The following SPTB variants were observed in gnomAD, a reference collection of about 807,000 sequenced individuals.
SPTB encodes the protein spectrin beta chain, erythrocytic.
A neutral mutation model predicts 256.2 loss-of-function variants in SPTB; 45 were observed. That is an observed-to-expected ratio of 0.18 (90% CI 0.14 to 0.23). The LOEUF is 0.23. SPTB is among the 10% of genes least tolerant of loss of function. The pLI is 1.00. For missense variants in SPTB, 2,715 were observed against 3,040.4 expected, an observed-to-expected ratio of 0.89 and a Z score of 2.52; for synonymous variants, 1,231 against 1,243.1, an observed-to-expected ratio of 0.99 and a Z score of 0.21.
chr14:64,816,536 T>G lies in SPTB; in HGVS notation c.148+6411A>C, dbSNP rs1252615220. On this transcript the variant is annotated intron_variant, in intron 2 of 35. Transcript: ENST00000644917. This position sits in a 1 kb window ranked among gnomAD's most constrained non-coding sequence, Gnocchi z 4.2. ...AAACTTTATAGTTCCCAGCAAATCT[T>G]CATAGCAAATTTGTCATAATTTGCT... 6.6e-6 allele frequency among the ~76,000 whole-genome samples: 1 copy of G among 152,112 alleles called. No homozygotes were observed. The highest frequency in any genetic ancestry group is 1.5e-5 in the Non-Finnish European group (1 of 68,028).
Position 64,796,761 on chromosome 14 carries a change from C to T in SPTB, c.1183-46G>A. 6.2e-7 allele frequency: 1 copy of T among 1,612,724 alleles called. No individual in the cohort carries two copies. The highest frequency in any genetic ancestry group is 8.5e-7 in the Non-Finnish European group (1 of 1,179,636). ...GAATTCTTGGGGCACAGGAGAAATG[C>T]CTCACTTTGGGGGCTCCACCCCTTT... is the stretch of plus-strand genomic sequence containing the variant. On this transcript the variant is annotated intron_variant, in intron 10 of 35. Coordinates refer to ENST00000644917, the MANE Select transcript of SPTB (RefSeq NM_001355436.2). The surrounding 1 kb of genome is among the most constrained non-coding windows in gnomAD (Gnocchi z 4.1).
At position 64,869,621 on chromosome 14, in the gene SPTB, A is replaced by ATTTTT. The variant is rs11302191; in HGVS notation, c.-52+10166_-52+10170dup. Among the ~76,000 whole-genome samples the ATTTTT allele has an allele frequency of 2.2e-5, 3 of 139,508 alleles. 1 individual carries two copies. The highest frequency in any genetic ancestry group is 2.7e-5 in the African/African-American group (1 of 36,974). The allele number at this position is 139,508 out of a possible 152,430, so 91.5% of individuals were successfully genotyped here. On this transcript the variant is annotated intron_variant, in intron 1 of 35. Coordinates refer to ENST00000644917, the MANE Select transcript of SPTB (RefSeq NM_001355436.2). ...CACTGTGCTTGGTCAGATTTTTTAA[A>ATTTTT]TTTTTTTTTTTTTTTTTTGAGACAG... is the stretch of plus-strand genomic sequence containing the variant.
intron 1 of SPTB, among the ~76,000 whole-genome samples, chr14:64,878,443 A>C (rs1882939074): frequency 6.6e-6 from 1 of 152,188 alleles, no homozygotes; most frequent in Non-Finnish European, 1.5e-5. Context: ...TGGGACTCAG[A>C]GCAAAAGAAT....
Position 64,795,186 on chromosome 14 carries a change from C to T in SPTB, c.1644+151G>A. 1 of 891,206 alleles carries T rather than the reference C, an allele frequency of 1.1e-6. No homozygotes were observed. The highest frequency in any genetic ancestry group is 1.7e-6 in the Non-Finnish European group (1 of 590,710). The allele number at this position is 891,206 out of a possible 1,614,324, so 55.2% of individuals were successfully genotyped here. On this transcript the variant is annotated intron_variant, in intron 12 of 35. Coordinates refer to ENST00000644917, the MANE Select transcript of SPTB (RefSeq NM_001355436.2). The surrounding 1 kb of genome is among the most constrained non-coding windows in gnomAD (Gnocchi z 6.5). The stretch of plus-strand genomic sequence containing the variant: ...GGACCAAGAGGCAGAGAGGCAGGTG[C>T]AGCTAGACACTTTGCTGCCTCAGTT...
chr14:64,787,272 C>T (rs897828535), intron 15 of SPTB, 112 bp from the exon 16 acceptor site: 2 of 1,382,786 alleles, frequency 1.4e-6, no homozygotes, highest in Non-Finnish European at 9.8e-7. Context: ...CCCCCACAGA[C>T]TTTGTATGAT....
chr14:64,775,432 G>A lies in SPTB; in HGVS notation c.4564-29C>T. On this transcript the variant is annotated intron_variant, in intron 22 of 35. Coordinates refer to ENST00000644917, the MANE Select transcript of SPTB (RefSeq NM_001355436.2). This position sits in a 1 kb window ranked among gnomAD's most constrained non-coding sequence, Gnocchi z 5.0. ...CGGCCAGAAGGAAGGGCTCGGGGCA[G>A]GGCCTTCCCACCATGCGGGGGAGGC... 6.2e-7 allele frequency: 1 copy of A among 1,605,314 alleles called. No individual in the cohort carries two copies. Among genetic ancestry groups the A allele is most frequent in the Non-Finnish European group, 8.5e-7 (1 of 1,174,510 alleles).
At position 64,852,123 on chromosome 14, in the gene SPTB, G is replaced by T. The variant is rs2083798245; in HGVS notation, c.-52+27669C>A. Among the ~76,000 whole-genome samples the T allele has an allele frequency of 6.6e-6, 1 of 152,182 alleles. No homozygotes were observed. The highest frequency in any genetic ancestry group is 1.5e-5 in the Non-Finnish European group (1 of 68,034). ...CAACGAGGAAAGGGAAGTACCTGGG[G>T]TTTCATGGGAGCAGAGTAGACACAC... is the stretch of plus-strand genomic sequence containing the variant. On this transcript the variant is annotated intron_variant, in intron 1 of 35. Transcript: ENST00000644917. The surrounding 1 kb of genome is among the most constrained non-coding windows in gnomAD (Gnocchi z 4.2).
chr14:64,830,742 C>T (rs1159694583), intron 1 of SPTB, among the ~76,000 whole-genome samples: 1 of 152,150 alleles, frequency 6.6e-6, no homozygotes, highest in Non-Finnish European at 1.5e-5. Flanking sequence ...CACCCCTACC[C>T]TGTAAGCTTT....
intron 1 of SPTB, among the ~76,000 whole-genome samples, chr14:64,840,676 A>C (rs1191810284): frequency 6.6e-6 from 1 of 152,210 alleles, no homozygotes; most frequent in African/African-American, 2.4e-5. Context: ...TGTGACCCAC[A>C]GAGCCCTTTC....
chr14:64,837,112 G>A (rs1286138761), intron 1 of SPTB, among the ~76,000 whole-genome samples: 1 of 152,208 alleles, frequency 6.6e-6, no homozygotes, highest in Non-Finnish European at 1.5e-5. Flanking sequence ...CAGACCCTTG[G>A]CAGGGAGAAG....
intron 10 of SPTB, among the ~76,000 whole-genome samples, chr14:64,797,371 G>A (rs533466746): frequency 4.6e-5 from 7 of 150,650 alleles, no homozygotes; most frequent in African/African-American, 1.7e-4. Context: ...TGAGACTGAG[G>A]TGGGAGGATC....
At position 64,802,334 on chromosome 14, in the gene SPTB, A is replaced by G. The variant is rs1303410032; in HGVS notation, c.475-17T>C. 2 of 1,613,296 alleles carry G rather than the reference A, an allele frequency of 1.2e-6. No homozygotes were observed. The highest frequency in any genetic ancestry group is 1.7e-6 in the Non-Finnish European group (2 of 1,179,500). ...GTCCTGAATCTGAGGGTAGCAGAAC[A>G]AGAGAGATTTGAAGAGGATGTGCAT... On this transcript the variant is annotated splice_polypyrimidine_tract_variant and intron_variant, in intron 4 of 35. Coordinates refer to ENST00000644917, the MANE Select transcript of SPTB (RefSeq NM_001355436.2). The surrounding 1 kb of genome is among the most constrained non-coding windows in gnomAD (Gnocchi z 5.1).
intron 28 of SPTB, among the ~76,000 whole-genome samples, 153 bp from the exon 29 acceptor site, chr14:64,769,271 G>A (rs965855284): frequency 5.9e-5 from 9 of 152,218 alleles, no homozygotes; most frequent in African/African-American, 1.9e-4. Context: ...GTGGCCTGGG[G>A]CAAGTTATTT....
intron 15 of SPTB, among the ~76,000 whole-genome samples, chr14:64,788,444 C>T (rs1033373979): frequency 6.6e-6 from 1 of 152,116 alleles, no homozygotes; most frequent in Non-Finnish European, 1.5e-5. Context: ...ACCAGGGATA[C>T]GAGAGAGGAG....
intron 33 of SPTB, among the ~76,000 whole-genome samples, chr14:64,750,479 A>G (rs1459469771): frequency 2.0e-5 from 3 of 152,108 alleles, no homozygotes; most frequent in South Asian, 2.1e-4. Context: ...CCATATCCTC[A>G]AATATTTCTT....
intron 1 of SPTB, among the ~76,000 whole-genome samples, chr14:64,832,719 C>T (rs748309872): frequency 5.9e-5 from 9 of 152,134 alleles, no homozygotes; most frequent in East Asian, 1.9e-4. Context: ...AACATCCCAG[C>T]GGCCCAAACC....
chr14:64,753,067 A>G (rs1027435625), intron 33 of SPTB, among the ~76,000 whole-genome samples: 1 of 152,124 alleles, frequency 6.6e-6, no homozygotes, highest in African/African-American at 2.4e-5. Flanking sequence ...CTCCCATTTT[A>G]CAGCTGAGGA....
chr14:64,859,076 T>C (rs929552685), intron 1 of SPTB, among the ~76,000 whole-genome samples: 1 of 151,782 alleles, frequency 6.6e-6, no homozygotes. Context: ...CTGGTCAACA[T>C]GGCAAAACCC....
Position 64,873,809 on chromosome 14 carries a change from A to C in SPTB, c.-52+5983T>G, listed in dbSNP as rs1051726070. Reference sequence around the variant, plus strand: ...GTCAGGTTTTGGAATAAACTACTAGAGGGACATTGAGTATATAAATGTACA... The same window carrying C: ...GTCAGGTTTTGGAATAAACTACTAGCGGGACATTGAGTATATAAATGTACA... On this transcript the variant is annotated intron_variant, in intron 1 of 35. Coordinates refer to ENST00000644917, the MANE Select transcript of SPTB (RefSeq NM_001355436.2). The surrounding 1 kb of genome is among the most constrained non-coding windows in gnomAD (Gnocchi z 4.3). 1.3e-5 allele frequency among the ~76,000 whole-genome samples: 2 copies of C among 152,218 alleles called. No individual in the cohort carries two copies. Among genetic ancestry groups the C allele is most frequent in the African/African-American group, 4.8e-5 (2 of 41,458 alleles).
Sources: gnomAD v4.1 joint callset for allele counts (sites outside exome capture counted in the v4.1 genomes callset) on GRCh38, gnomAD v4.1.1 for gene constraint, Gnocchi (gnomAD v3.1) non-coding constraint, MANE v1.5 for transcripts, NCBI Gene and HGNC (gene_info 2026-07-23, HGNC 2026-07-21) for gene names.